RHBDD1: variants seen among roughly 807,000 people sequenced by gnomAD.
The protein encoded by RHBDD1 is rhomboid domain containing 1.
In RHBDD1, 38 loss-of-function variants were observed where a neutral mutation model predicts 36.3. The observed-to-expected ratio is 1.05, with a 90% CI of 0.81 to 1.37. RHBDD1 has a LOEUF of 1.37. Ranked by LOEUF, RHBDD1 falls within the 40% of genes most tolerant of loss-of-function variation. The pLI is 0.00. For synonymous variants in RHBDD1, 151 were observed against 136.5 expected (o/e 1.11, Z -0.74); for missense variants, 393 against 377.6 (o/e 1.04, Z -0.34).
intron 8 of RHBDD1, among the ~76,000 whole-genome samples, chr2:226,922,263 A>G (rs1220015116): frequency 7.8e-6 from 1 of 128,940 alleles, no homozygotes; most frequent in Admixed American, 9.6e-5. Context: ...GCTGGAGTGC[A>G]GTGGTGTGAT....
chr2:226,810,871 A>G, the RHBDD1 span: 1 of 152,198 alleles, frequency 6.6e-6, no homozygotes, highest in Non-Finnish European at 1.5e-5. Flanking sequence ...ATCTTGATAT[A>G]AAAGCAAAAG....
chr2:226,833,930 C>T (rs1365295479), upstream of RHBDD1, among the ~76,000 whole-genome samples: 3 of 152,240 alleles, frequency 2.0e-5, no homozygotes, highest in East Asian at 1.9e-4. Flanking sequence ...CAACAAATCA[C>T]GTAGGACAAA....
At chr2:226,964,248 T>C (rs960554579) in intron 8 of RHBDD1, among the ~76,000 whole-genome samples, 1 of 152,220 alleles carries the variant, frequency 6.6e-6, no homozygotes, top group African/African-American at 2.4e-5. Context: ...GTCATGTTGC[T>C]ACTCCCATTA....
chr2:226,993,260 T>C (rs1471082499), intron 8 of RHBDD1, among the ~76,000 whole-genome samples: 1 of 152,098 alleles, frequency 6.6e-6, no homozygotes, highest in African/African-American at 2.4e-5. Context: ...CCTCTGGGAG[T>C]CTCAGCAGTC....
chr2:226,945,845 C>A (rs2149186278), intron 8 of RHBDD1, among the ~76,000 whole-genome samples: 1 of 152,280 alleles, frequency 6.6e-6, no homozygotes, highest in South Asian at 2.1e-4. Context: ...TTAATGATCA[C>A]CATTTTAACT....
Position 226,861,803 on chromosome 2 carries a change from G to A in RHBDD1, c.-90-2801G>A, listed in dbSNP as rs146872685. On this transcript the variant is annotated intron_variant, in intron 3 of 8. Coordinates refer to ENST00000392062, the MANE Select transcript of RHBDD1 (RefSeq NM_001167608.3). ...AAAAAGTTACGGTAGGTAAAGAGTT[G>A]AAAGTTGACTTGAGTTCTAATGTGA... is the stretch of plus-strand genomic sequence containing the variant. 1.1e-4 allele frequency among the ~76,000 whole-genome samples: 16 copies of A among 152,320 alleles called. No homozygotes were observed. In the East Asian group the frequency reaches 3.1e-3, roughly 29 times the overall value.
intron 5 of RHBDD1, among the ~76,000 whole-genome samples, chr2:226,888,877 C>G (rs1036694415): frequency 1.3e-5 from 2 of 152,002 alleles, no homozygotes; most frequent in African/African-American, 4.8e-5. Context: ...AGAATCTGCA[C>G]GTTAGGAATT....
intron 5 of RHBDD1, among the ~76,000 whole-genome samples, chr2:226,893,372 A>T (rs1223186430): frequency 1.3e-5 from 2 of 152,222 alleles, no homozygotes; most frequent in Non-Finnish European, 2.9e-5. Context: ...GTCTATAGTA[A>T]TAGCAGATGG....
At chr2:226,826,743 A>G in the RHBDD1 span, among the ~76,000 whole-genome samples, 736 of 151,504 alleles carry the variant, frequency 4.9e-3, 7 homozygotes, top group African/African-American at 0.017. Flanking sequence ...GATGATCTCA[A>G]TCTCCTGACC....
chr2:226,982,248 A>G (rs925738494), intron 8 of RHBDD1, among the ~76,000 whole-genome samples: 2 of 152,212 alleles, frequency 1.3e-5, no homozygotes, highest in African/African-American at 2.4e-5. Flanking sequence ...TTCTCAGAGC[A>G]GTTTGTCTTC....
chr2:226,845,240 G>GA (rs1232001467), intron 3 of RHBDD1, among the ~76,000 whole-genome samples: 1 of 152,168 alleles, frequency 6.6e-6, no homozygotes, highest in Non-Finnish European at 1.5e-5. Context: ...GAAAGTCATG[G>GA]AAAATGCTAA....
chr2:226,880,704 T>C (rs139072508), intron 5 of RHBDD1, among the ~76,000 whole-genome samples: 1 of 152,308 alleles, frequency 6.6e-6, no homozygotes, highest in African/African-American at 2.4e-5. Context: ...TGGGGACACA[T>C]TGAGAACAGA....
intron 3 of RHBDD1, among the ~76,000 whole-genome samples, chr2:226,845,362 T>C (rs1181882028): frequency 1.3e-5 from 2 of 152,218 alleles, no homozygotes; most frequent in Non-Finnish European, 2.9e-5. Flanking sequence ...ATTTAATCCT[T>C]GTGAAACCAA....
At chr2:226,871,280 T>A (rs1050561923) in intron 5 of RHBDD1, among the ~76,000 whole-genome samples, 1 of 152,226 alleles carries the variant, frequency 6.6e-6, no homozygotes, top group Admixed American at 6.5e-5. Flanking sequence ...AAAGAAATGT[T>A]GATGCACCAT....
At chr2:226,961,542 A>ATT (rs35615636) in intron 8 of RHBDD1, among the ~76,000 whole-genome samples, 58 of 151,374 alleles carry the variant, frequency 3.8e-4, no homozygotes, top group Non-Finnish European at 7.7e-4. Flanking sequence ...CATTTCATGC[A>ATT]TTTTTTTTTC....
chr2:226,906,781 C>T lies in RHBDD1; in HGVS notation c.567-12C>T. ...AGAACAAACACTCACAAAGGGTCTCCTTCCCTCCTAGGACTTCCTTCGCTG... is the reference window on the plus strand; with the variant it reads ...AGAACAAACACTCACAAAGGGTCTCTTTCCCTCCTAGGACTTCCTTCGCTG... On this transcript the variant is annotated splice_polypyrimidine_tract_variant and intron_variant, in intron 5 of 8. Coordinates refer to ENST00000392062, the MANE Select transcript of RHBDD1 (RefSeq NM_001167608.3). The T allele has an allele frequency of 2.5e-6, 4 of 1,613,934 alleles. No homozygotes were observed. Among genetic ancestry groups the T allele is most frequent in the Non-Finnish European group, 3.4e-6 (4 of 1,179,898 alleles).
At chr2:226,887,088 G>A (rs1219100983) in intron 5 of RHBDD1, among the ~76,000 whole-genome samples, 5 of 152,126 alleles carry the variant, frequency 3.3e-5, no homozygotes, top group Non-Finnish European at 7.4e-5. Flanking sequence ...CACAGATACG[G>A]AGGAGGCTAG....
intron 8 of RHBDD1, among the ~76,000 whole-genome samples, chr2:226,943,573 T>C (rs1177625287): frequency 6.6e-6 from 1 of 152,224 alleles, no homozygotes; most frequent in African/African-American, 2.4e-5. Flanking sequence ...AAGTGTACTC[T>C]AGAAGTGACA....
intron 8 of RHBDD1, among the ~76,000 whole-genome samples, chr2:226,978,792 A>C (rs1174333728): frequency 6.6e-6 from 1 of 152,198 alleles, no homozygotes; most frequent in Non-Finnish European, 1.5e-5. Flanking sequence ...ATCAGAGGAC[A>C]CAGTCACTTC....
Sources: gnomAD v4.1 joint callset for allele counts (sites outside exome capture counted in the v4.1 genomes callset) on GRCh38, gnomAD v4.1.1 for gene constraint, MANE v1.5 for transcripts, NCBI Gene and HGNC (gene_info 2026-07-23, HGNC 2026-07-21) for gene names.